The following PHIP variants were observed in gnomAD, a reference collection of about 807,000 sequenced individuals.
PHIP encodes the protein PH-interacting protein.
A neutral mutation model predicts 236.8 loss-of-function variants in PHIP; 54 were observed. That is an observed-to-expected ratio of 0.23 (90% confidence interval 0.18 to 0.29). The LOEUF (loss-of-function observed/expected upper bound fraction) is 0.29, where lower values mean the gene tolerates loss of function less well. Among genes scored for constraint, PHIP ranks in the 10% least tolerant of loss-of-function variants. The pLI is 1.00. For missense variants in PHIP, 1,370 were observed against 2,190.8 expected (o/e 0.63, Z 7.48); for synonymous variants, 756 against 718.9 (o/e 1.05, Z -0.83).
chr6:78,945,081 TC>T (rs1773726656), intron 39 of PHIP, among the ~76,000 whole-genome samples: 1 of 151,608 alleles, frequency 6.6e-6, no homozygotes, highest in Non-Finnish European at 1.5e-5. Context: ...AAGATTTATT[TC>T]TTTTTTTTTT....
intron 23 of PHIP, among the ~76,000 whole-genome samples, chr6:78,980,182 G>A (rs1187396730): frequency 6.6e-6 from 1 of 151,864 alleles, no homozygotes; most frequent in East Asian, 1.9e-4. Context: ...AATTTTTATC[G>A]GAACACAGCC....
intron 19 of PHIP, among the ~76,000 whole-genome samples, chr6:78,993,042 T>C (rs1424864175): frequency 6.6e-6 from 1 of 152,226 alleles, no homozygotes; most frequent in Non-Finnish European, 1.5e-5. Context: ...GATATGAAAG[T>C]GAAGCAGGCT....
intron 27 of PHIP, among the ~76,000 whole-genome samples, chr6:78,969,622 A>G (rs1415197314): frequency 2.0e-5 from 3 of 152,184 alleles, no homozygotes; most frequent in Non-Finnish European, 4.4e-5. Context: ...ATGTAACAGA[A>G]AAAATGTTTT....
rs190070638 is a variant in PHIP, at chr6:79,031,048, A to G, written c.601-4884T>C. 6.5e-4 allele frequency among the ~76,000 whole-genome samples: 99 copies of G among 152,124 alleles called. 1 individual carries two copies. Among genetic ancestry groups the G allele is most frequent in the Non-Finnish European group, 1.8e-4 (12 of 67,992 alleles). On this transcript the variant is annotated intron_variant, in intron 7 of 39. Transcript: ENST00000275034. ...AACCTCCGCAGCCCAGGTTCAAGAG[A>G]TTCTCCTGCCTCAGCCTCCAGAATA... is the stretch of plus-strand genomic sequence containing the variant.
In PHIP at chr6:78,935,566, T is replaced by C; in HGVS notation, c.*5127A>G. 5 of 969,166 alleles carry C rather than the reference T, an allele frequency of 5.2e-6. No individual in the cohort carries two copies. The highest frequency in any genetic ancestry group is 6.1e-6 in the Non-Finnish European group (5 of 815,152). The allele number at this position is 969,166 out of a possible 1,614,324, so 60.0% of individuals were successfully genotyped here. A position where few individuals can be genotyped will look rare whatever the true frequency, so the allele number is the denominator to read the frequency against. On this transcript the variant is annotated 3_prime_UTR_variant, in exon 40 of 40. Coordinates refer to ENST00000275034, the MANE Select transcript of PHIP (RefSeq NM_017934.7). ...GTATTTATCACTCATCACAGTAACT[T>C]ACGGTAAGAAATCAATAAAATTGTT...
At chr6:79,024,775 A>C (rs2127747598) in intron 9 of PHIP, among the ~76,000 whole-genome samples, 1 of 152,364 alleles carries the variant, frequency 6.6e-6, no homozygotes, top group East Asian at 1.9e-4. Flanking sequence ...ACTGCAATCC[A>C]GCCTGGGCGA....
rs528021079 is a variant in PHIP at position 79,077,945 on chromosome 6, A to C, written c.41-32T>G. ...GGGAGAGAGGGACGGGGAGACACAC[A>C]GGCTGAGCGGTCGGGCGGCGGGGGG... On this transcript the variant is annotated intron_variant, in intron 1 of 39. Transcript: ENST00000275034. 1.9e-6 allele frequency: 3 copies of C among 1,583,302 alleles called. No homozygotes were observed. The Middle Eastern group carries it at 6.1e-4, about 324-fold the overall frequency.
chr6:78,993,729 C>A (rs1334405811), intron 19 of PHIP, among the ~76,000 whole-genome samples: 1 of 152,112 alleles, frequency 6.6e-6, no homozygotes, highest in Admixed American at 6.5e-5. Context: ...TGACAATGCC[C>A]CTAATCACCC....
intron 19 of PHIP, among the ~76,000 whole-genome samples, chr6:78,993,177 A>G (rs773404076): frequency 4.6e-5 from 7 of 152,230 alleles, no homozygotes; most frequent in Non-Finnish European, 1.0e-4. Flanking sequence ...GAAGGTTGGA[A>G]GAGGGGAAAA....
Position 79,078,176 on chromosome 6 carries a change from G to T in PHIP, c.-108C>A. ...CTGTCAGTGTGTGTTCACGAGCCGA[G>T]CTTCGGCTCCACCATTCAAGCAACG... On this transcript the variant is annotated 5_prime_UTR_variant, in exon 1 of 40. Transcript: ENST00000275034. 9.1e-7 allele frequency: 1 copy of T among 1,103,496 alleles called. No homozygotes were observed. The highest frequency in any genetic ancestry group is 1.3e-6 in the Non-Finnish European group (1 of 763,396). 68.4% of individuals were successfully genotyped at this position (1,103,496 alleles called of 1,614,324 possible).
intron 15 of PHIP, among the ~76,000 whole-genome samples, chr6:79,010,130 G>A (rs990574515): frequency 6.6e-6 from 1 of 151,654 alleles, no homozygotes; most frequent in Non-Finnish European, 1.5e-5. Context: ...GAAAAGAAAA[G>A]AAAGAGAAAG....
chr6:78,972,684 GGAGCTGATA>G, intron 24 of PHIP, among the ~76,000 whole-genome samples: 1 of 152,332 alleles, frequency 6.6e-6, no homozygotes, highest in East Asian at 1.9e-4. Context: ...AGTGCTTAAA[GGAGCTGATA>G]GAGCTGAAAA....
intron 29 of PHIP, among the ~76,000 whole-genome samples, chr6:78,965,209 A>G (rs1225207490): frequency 1.3e-5 from 2 of 152,188 alleles, no homozygotes; most frequent in African/African-American, 2.4e-5. Flanking sequence ...TTAATCTTCA[A>G]AGTAGCCCTA....
intron 7 of PHIP, among the ~76,000 whole-genome samples, chr6:79,028,188 T>TA (rs1220206565): frequency 2.0e-5 from 3 of 151,878 alleles, no homozygotes; most frequent in Admixed American, 6.6e-5. Context: ...GATGAAAAAG[T>TA]AAAAAAAATT....
intron 4 of PHIP, 62 bp from the exon 5 acceptor site, chr6:79,060,880 G>T: frequency 8.7e-7 from 1 of 1,151,798 alleles, no homozygotes. Flanking sequence ...CAAAATCTTT[G>T]AGCAACAATA....
chr6:79,022,808 G>A (rs1771187466), intron 9 of PHIP, among the ~76,000 whole-genome samples: 1 of 152,074 alleles, frequency 6.6e-6, no homozygotes, highest in Admixed American at 6.6e-5. Context: ...ACATACAAGT[G>A]AATTTATAAA....
Position 78,997,464 on chromosome 6 carries a change from T to C in PHIP, c.2151A>G (p.Val717=). Residue 717 remains valine, a synonymous_variant, in exon 19 of 40, where the codon GTA becomes GTG. Transcript: ENST00000275034. ...GTACTACCACCCTTCGACTCCAAGC[T>C]ACCAGATCCCGCTCTGTGGCTATTT... ...RSEIATERDL[V]AWSRRVVVPE... 6.2e-7 allele frequency: 1 copy of C among 1,614,002 alleles called. No individual in the cohort carries two copies. The highest frequency in any genetic ancestry group is 1.3e-5 in the African/African-American group (1 of 75,024).
chr6:79,068,222 G>GGAGGCT (rs1322842844), intron 4 of PHIP: 2 of 152,272 alleles, frequency 1.3e-5, no homozygotes, highest in Non-Finnish European at 2.9e-5. Flanking sequence ...CAGCACTTTG[G>GGAGGCT]GAGGCTGAGG....
In PHIP at chr6:78,946,744, C is replaced by CT; in HGVS notation, c.4336dup (p.Arg1446LysfsTer8). 6.3e-7 allele frequency: 1 copy of CT among 1,587,922 alleles called. No homozygotes were observed. ...AGCACTACTGGAAACAGAGCTGCTTCTGTTTCTTTTCTTCCTCCTTTTGGT... is the reference window on the plus strand; with the variant it reads ...AGCACTACTGGAAACAGAGCTGCTTCTTGTTTCTTTTCTTCCTCCTTTTGGT... On this transcript the variant is annotated frameshift_variant, in exon 37 of 40. Coordinates refer to ENST00000275034, the MANE Select transcript of PHIP (RefSeq NM_017934.7). LOFTEE classifies it high-confidence loss of function.
Sources: gnomAD v4.1 joint callset for allele counts (sites outside exome capture counted in the v4.1 genomes callset) on GRCh38, gnomAD v4.1.1 for gene constraint, MANE v1.5 for transcripts, NCBI Gene and HGNC (gene_info 2026-07-23, HGNC 2026-07-21) for gene names.